Variants in GRIK2 observed in about 807,000 individuals in gnomAD.
GRIK2 encodes the protein glutamate receptor ionotropic, kainate 2.
A neutral mutation model predicts 100.3 loss-of-function variants in GRIK2; 32 were observed. That is an observed-to-expected ratio of 0.32 (90% CI 0.24 to 0.43). The LOEUF is 0.43. Ranked by LOEUF, GRIK2 falls within the 20% of genes least tolerant of loss-of-function variation. GRIK2 has a pLI of 1.00. For missense variants in GRIK2, 843 were observed against 1,114.9 expected (o/e 0.76, Z 3.47); for synonymous variants, 417 against 389.4 (o/e 1.07, Z -0.83).
rs189505518 is a variant in GRIK2, at chr6:101,690,996, G to A, written c.951+4643G>A. ...TTCTTTTTACATCACTTTTTCAATA[G>A]ACTGTTAGCTCTTTTGAAGCAAGAA... On this transcript the variant is annotated intron_variant, in intron 7 of 16. Coordinates refer to ENST00000369134, the MANE Select transcript of GRIK2 (RefSeq NM_021956.5). Among the ~76,000 whole-genome samples the A allele has an allele frequency of 1.7e-3, 258 of 152,168 alleles. 1 individual carries two copies. Among genetic ancestry groups the A allele is most frequent in the African/African-American group, 5.7e-3 (235 of 41,532 alleles).
chr6:101,896,683 T>G (rs936266748), intron 12 of GRIK2, among the ~76,000 whole-genome samples: 1 of 151,614 alleles, frequency 6.6e-6, no homozygotes, highest in African/African-American at 2.4e-5. Context: ...CAGAATTGAG[T>G]GGAAAGACTC....
chr6:101,752,168 A>G (rs1176720212), intron 7 of GRIK2, among the ~76,000 whole-genome samples: 1 of 152,182 alleles, frequency 6.6e-6, no homozygotes, highest in Non-Finnish European at 1.5e-5. Context: ...CAAACTATAA[A>G]TAAATATATT....
At chr6:101,584,115 TATG>T (rs1469779976) in intron 2 of GRIK2, among the ~76,000 whole-genome samples, 2 of 152,064 alleles carry the variant, frequency 1.3e-5, no homozygotes, top group African/African-American at 4.8e-5. Flanking sequence ...AAAGAAAAAA[TATG>T]ATTATAACAT....
chr6:101,639,580 C>T (rs1043314115), intron 4 of GRIK2, among the ~76,000 whole-genome samples: 3 of 151,206 alleles, frequency 2.0e-5, no homozygotes, highest in Non-Finnish European at 2.9e-5. Context: ...GAGAGAGCGA[C>T]ACTCCATCTC....
chr6:101,937,782 G>A (rs1790708816), intron 14 of GRIK2, among the ~76,000 whole-genome samples: 1 of 151,618 alleles, frequency 6.6e-6, no homozygotes, highest in Admixed American at 6.6e-5. Context: ...GGGGGTGGGG[G>A]GTGTTGCTGC....
intron 2 of GRIK2, among the ~76,000 whole-genome samples, chr6:101,467,629 C>T (rs1156384755): frequency 6.6e-6 from 1 of 152,038 alleles, no homozygotes; most frequent in East Asian, 1.9e-4. Flanking sequence ...GAAAAGAGGG[C>T]AAAAATTTGT....
chr6:101,827,322 T>C (rs909051633), intron 10 of GRIK2, among the ~76,000 whole-genome samples: 1 of 151,904 alleles, frequency 6.6e-6, no homozygotes, highest in South Asian at 2.1e-4. Context: ...AATAAAAGAA[T>C]TTTTCTAGAT....
intron 12 of GRIK2, among the ~76,000 whole-genome samples, chr6:101,906,366 C>CTCTCTCTGTGTGTGTGTG (rs1554283801): frequency 6.9e-6 from 1 of 145,836 alleles, no homozygotes; most frequent in African/African-American, 2.5e-5. Context: ...AAAACAAGAT[C>CTCTCTCTGTGTGTGTGTG]TGTGTGTGTG....
At chr6:101,904,414 A>G (rs2518209) in intron 12 of GRIK2, among the ~76,000 whole-genome samples, 129,478 of 151,374 alleles carry the variant, frequency 0.86, 55,557 homozygotes, top group East Asian at 0.94. Context: ...AATTTTTAAT[A>G]TCTTCTTTTA....
intron 12 of GRIK2, among the ~76,000 whole-genome samples, chr6:101,890,949 T>TTA (rs1787015786): frequency 6.6e-6 from 1 of 150,636 alleles, no homozygotes; most frequent in African/African-American, 2.4e-5. Context: ...TAATTTTTCA[T>TTA]GGAGATAAAA....
chr6:101,778,668 G>C (rs1004521154), intron 7 of GRIK2, among the ~76,000 whole-genome samples: 1 of 152,190 alleles, frequency 6.6e-6, no homozygotes, highest in South Asian at 2.1e-4. Flanking sequence ...TTTTTGCTGA[G>C]AAAAATTTTT....
At chr6:102,025,117 G>A (rs1769625165) in intron 14 of GRIK2, among the ~76,000 whole-genome samples, 1 of 151,130 alleles carries the variant, frequency 6.6e-6, no homozygotes, top group Non-Finnish European at 1.5e-5. Context: ...TGTAATGTTA[G>A]AGCTGAAAGT....
intron 3 of GRIK2, among the ~76,000 whole-genome samples, chr6:101,623,378 G>T (rs1024377003): frequency 2.2e-4 from 33 of 152,056 alleles, no homozygotes; most frequent in African/African-American, 6.3e-4. Flanking sequence ...TGAGAAAAAG[G>T]TTAAAGGTAA....
intron 7 of GRIK2, among the ~76,000 whole-genome samples, chr6:101,755,888 A>G (rs942998439): frequency 6.6e-6 from 1 of 152,196 alleles, no homozygotes; most frequent in African/African-American, 2.4e-5. Context: ...AATTTTATGA[A>G]ACATTATTAT....
chr6:101,717,702 T>C (rs138766675), intron 7 of GRIK2, among the ~76,000 whole-genome samples: 1 of 151,970 alleles, frequency 6.6e-6, no homozygotes, highest in Non-Finnish European at 1.5e-5. Flanking sequence ...ACTGAATATG[T>C]ACTGAATTGA....
intron 1 of GRIK2, among the ~76,000 whole-genome samples, chr6:101,395,598 G>C (rs2852505): frequency 0.14 from 21,452 of 152,190 alleles, 1,753 homozygotes; most frequent in Non-Finnish European, 0.18. Context: ...AACTAAAATT[G>C]TTTCTCAAGT....
intron 2 of GRIK2, among the ~76,000 whole-genome samples, chr6:101,530,816 T>C (rs900785872): frequency 7.9e-5 from 12 of 151,832 alleles, no homozygotes; most frequent in African/African-American, 2.9e-4. Context: ...GCATCAGGAA[T>C]GAAAGTGCAG....
Position 101,928,415 on chromosome 6 carries a change from G to C in GRIK2, c.1868G>C (p.Gly623Ala). The C allele has an allele frequency of 6.5e-7, 1 of 1,531,168 alleles. No individual in the cohort carries two copies. The highest frequency in any genetic ancestry group is 9.1e-7 in the Non-Finnish European group (1 of 1,104,476). 94.8% of individuals were successfully genotyped at this position (1,531,168 alleles called of 1,614,324 possible). A position where few individuals can be genotyped will look rare whatever the true frequency, so the allele number is the denominator to read the frequency against. ...TCACCTTTCCCCCACTCTCTGTTAG[G>C]TTCTGAGCTCATGCCCAAAGCACTG... ...WFGVGALMQQ[G>A]SELMPKALST... is the part of the protein sequence containing the mutation. Residue 623 changes from glycine (G) to alanine (A), a missense_variant and splice_region_variant, in exon 14 of 17, where the codon GGT becomes GCT. By Grantham distance (60) the Gly-to-Ala change is moderately conservative. Transcript: ENST00000369134.
At chr6:101,941,351 C>G (rs1197348959) in intron 14 of GRIK2, among the ~76,000 whole-genome samples, 1 of 152,036 alleles carries the variant, frequency 6.6e-6, no homozygotes, top group Non-Finnish European at 1.5e-5. Context: ...GATATGTTAA[C>G]TGGTTTCACA....
Sources: allele counts gnomAD v4.1 joint callset (sites outside exome capture counted in the v4.1 genomes callset), GRCh38; gene constraint gnomAD v4.1.1; transcripts MANE v1.5; gene names NCBI Gene and HGNC (gene_info 2026-07-23, HGNC 2026-07-21).